Variants in ITPR2 observed in about 807,000 individuals in gnomAD.
The protein encoded by ITPR2 is inositol 1,4,5-trisphosphate-gated calcium channel ITPR2.
Under a neutral mutation model 317.1 loss-of-function variants are expected in ITPR2, and 207 were observed. That is an observed-to-expected ratio of 0.65 (90% CI 0.58 to 0.73). The LOEUF is 0.73. ITPR2 is among the 30% of genes least tolerant of loss of function. The pLI, the probability that ITPR2 is intolerant of heterozygous loss-of-function variation, is 0.00. For missense variants in ITPR2, 2,613 were observed against 3,284.0 expected (o/e 0.80, Z 4.99); for synonymous variants, 1,156 against 1,149.1 (o/e 1.01, Z -0.12).
chr12:26,719,123 T>TG (rs931622789), intron 5 of ITPR2, among the ~76,000 whole-genome samples: 2 of 152,110 alleles, frequency 1.3e-5, no homozygotes, highest in African/African-American at 4.8e-5. Flanking sequence ...CTACCAATCA[T>TG]GTGAAATAAA....
chr12:26,741,504 C>T (rs1451149037), intron 2 of ITPR2, among the ~76,000 whole-genome samples: 4 of 152,102 alleles, frequency 2.6e-5, no homozygotes, highest in Non-Finnish European at 5.9e-5. Flanking sequence ...GAAATATAGT[C>T]CTTCCATTTT....
intron 2 of ITPR2, among the ~76,000 whole-genome samples, chr12:26,783,221 C>T (rs1460057595): frequency 6.6e-6 from 1 of 152,202 alleles, no homozygotes; most frequent in African/African-American, 2.4e-5. Context: ...TGACTTATTA[C>T]TTCAAAACAA....
At chr12:26,648,105 G>A (rs185424091) in intron 21 of ITPR2, among the ~76,000 whole-genome samples, 1 of 152,250 alleles carries the variant, frequency 6.6e-6, no homozygotes, top group Admixed American at 6.5e-5. Context: ...AAAAACTTCT[G>A]TAATTGCCAC....
At chr12:26,523,808 AT>A (rs1943732263) in intron 37 of ITPR2, among the ~76,000 whole-genome samples, 1 of 152,226 alleles carries the variant, frequency 6.6e-6, no homozygotes, top group South Asian at 2.1e-4. Flanking sequence ...AAGCAATCTA[AT>A]TGAATTTCAG....
chr12:26,611,608 T>A (rs1001273388), intron 26 of ITPR2, among the ~76,000 whole-genome samples: 4 of 151,804 alleles, frequency 2.6e-5, no homozygotes, highest in Admixed American at 2.6e-4. Context: ...TATAGGTGAG[T>A]AGATAGATAT....
intron 45 of ITPR2, among the ~76,000 whole-genome samples, chr12:26,453,896 G>C (rs1306363007): frequency 6.6e-6 from 1 of 152,144 alleles, no homozygotes; most frequent in East Asian, 1.9e-4. Context: ...CCTCCATCTA[G>C]AATGTAGTTT....
rs1261623685 is a variant in ITPR2 at position 26,476,800 on chromosome 12, T to G, written c.6219+112A>C. 1.1e-5 allele frequency: 7 copies of G among 658,426 alleles called. No homozygotes were observed. The East Asian group carries it at 1.7e-4, about 16-fold the overall frequency. 40.8% of individuals were successfully genotyped at this position (658,426 alleles called of 1,614,324 possible). A position where few individuals can be genotyped will look rare whatever the true frequency, so the allele number is the denominator to read the frequency against. On this transcript the variant is annotated intron_variant, in intron 44 of 56. Transcript: ENST00000381340. ...GTAATGGTAGGTCATGATGTTCCAT[T>G]TGTCTTGGTAGAGCAATGAAAATCA...
chr12:26,550,196 T>C lies in ITPR2; in HGVS notation c.5073+51A>G, dbSNP rs997988178. Reference sequence around the variant, plus strand: ...CTATTGTAATTCATAGGTTACAGTATTGGGGAAATCCTACTTTATTTTTAA... The same window carrying C: ...CTATTGTAATTCATAGGTTACAGTACTGGGGAAATCCTACTTTATTTTTAA... On this transcript the variant is annotated intron_variant, in intron 37 of 56. Coordinates refer to ENST00000381340, the MANE Select transcript of ITPR2 (RefSeq NM_002223.4). 1.2e-5 allele frequency: 9 copies of C among 743,342 alleles called. 1 individual carries two copies. Among genetic ancestry groups the C allele is most frequent in the Non-Finnish European group, 2.0e-5 (9 of 447,390 alleles). The allele number at this position is 743,342 out of a possible 1,614,324, so 46.0% of individuals were successfully genotyped here.
At chr12:26,570,297 C>T (rs1208018998) in intron 34 of ITPR2, among the ~76,000 whole-genome samples, 1 of 152,082 alleles carries the variant, frequency 6.6e-6, no homozygotes, top group Non-Finnish European at 1.5e-5. Context: ...AATGAGGAAT[C>T]ATTATAAATC....
chr12:26,649,379 A>G (rs1947190665), intron 21 of ITPR2: 2 of 152,248 alleles, frequency 1.3e-5, no homozygotes, highest in African/African-American at 4.8e-5. Context: ...TCTAACTGAC[A>G]TAATCAATAT....
intron 37 of ITPR2, among the ~76,000 whole-genome samples, chr12:26,512,940 G>T (rs1401652121): frequency 1.7e-5 from 2 of 118,520 alleles, no homozygotes; most frequent in Non-Finnish European, 4.2e-5. Flanking sequence ...CTCTGCCTCA[G>T]CCTCCCAAGT....
intron 37 of ITPR2, among the ~76,000 whole-genome samples, chr12:26,543,132 TAAAAC>T (rs887417979): frequency 1.3e-5 from 2 of 152,114 alleles, no homozygotes; most frequent in African/African-American, 4.8e-5. Flanking sequence ...CCAAAATCCT[TAAAAC>T]CAAACCAAAC....
chr12:26,510,009 G>T lies in ITPR2; in HGVS notation c.5074-14749C>A, dbSNP rs559201899. ...GTGTGTGTGTGTGTGTGTGTGGTGG[G>T]GGGTGGGGGTGGGGAGAGAAGGGAA... On this transcript the variant is annotated intron_variant, in intron 37 of 56. Coordinates refer to ENST00000381340, the MANE Select transcript of ITPR2 (RefSeq NM_002223.4). Among the ~76,000 whole-genome samples the T allele has an allele frequency of 3.7e-5, 3 of 81,282 alleles. No individual in the cohort carries two copies. In the East Asian group the frequency reaches 8.9e-4, roughly 24 times the overall value. 53.3% of individuals were successfully genotyped at this position (81,282 alleles called of 152,430 possible).
At chr12:26,622,091 G>T in intron 25 of ITPR2, 149 bp downstream of exon 25, 1 of 575,254 alleles carries the variant, frequency 1.7e-6, no homozygotes, top group Middle Eastern at 4.7e-4. Context: ...TCCTGGCATA[G>T]ACAAGGCCAT....
At chr12:26,400,064 T>C in intron 53 of ITPR2, 64 bp downstream of exon 53, 2 of 1,502,846 alleles carry the variant, frequency 1.3e-6, no homozygotes, top group African/African-American at 1.4e-5. Flanking sequence ...AAATTATAAA[T>C]GCTGTGAAGA....
chr12:26,775,529 C>T (rs1316338798), intron 2 of ITPR2, among the ~76,000 whole-genome samples: 3 of 152,140 alleles, frequency 2.0e-5, no homozygotes, highest in East Asian at 1.9e-4. Flanking sequence ...GGGACTCTGG[C>T]CCAAGATTAT....
chr12:26,665,132 G>A (rs1418798074), intron 14 of ITPR2, among the ~76,000 whole-genome samples: 2 of 152,168 alleles, frequency 1.3e-5, no homozygotes, highest in South Asian at 2.1e-4. Context: ...ATTTCAAGAA[G>A]ATGTAATACA....
chr12:26,603,752 G>T (rs1946057747), intron 26 of ITPR2, among the ~76,000 whole-genome samples: 1 of 152,124 alleles, frequency 6.6e-6, no homozygotes, highest in Admixed American at 6.5e-5. Flanking sequence ...AAATGAGCAG[G>T]GAAAAGCCTT....
At chr12:26,490,131 T>A (rs780474251) in intron 39 of ITPR2, among the ~76,000 whole-genome samples, 1 of 152,208 alleles carries the variant, frequency 6.6e-6, no homozygotes, top group Non-Finnish European at 1.5e-5. Context: ...GTTGAATGGC[T>A]ATAAAGCACT....
Sources: gnomAD v4.1 joint callset for allele counts (sites outside exome capture counted in the v4.1 genomes callset) on GRCh38, gnomAD v4.1.1 for gene constraint, MANE v1.5 for transcripts, NCBI Gene and HGNC (gene_info 2026-07-23, HGNC 2026-07-21) for gene names.